Variants in ABCC8 observed in about 807,000 individuals in gnomAD.
ABCC8 encodes ATP-binding cassette sub-family C member 8.
ABCC8 carries 137 observed loss-of-function variants against 188.0 expected under a neutral mutation model. The observed-to-expected ratio is 0.73, with a 90% CI of 0.63 to 0.84. ABCC8 has a LOEUF of 0.84. ABCC8 is among the 40% of genes least tolerant of loss of function. The pLI is 0.00. For missense variants in ABCC8, 1,750 were observed against 2,072.7 expected, an observed-to-expected ratio of 0.84 and a Z score of 3.02; for synonymous variants, 797 against 846.5, an observed-to-expected ratio of 0.94 and a Z score of 1.01.
intron 27 of ABCC8, 133 bp downstream of exon 27, chr11:17,405,361 G>A (rs771078629): frequency 1.5e-4 from 216 of 1,402,210 alleles, no homozygotes; most frequent in Non-Finnish European, 2.0e-4. Flanking sequence ...CATTATAATC[G>A]GATCGGGGAC....
chr11:17,466,966 G>A (rs1188399788), intron 3 of ABCC8, among the ~76,000 whole-genome samples: 1 of 151,550 alleles, frequency 6.6e-6, no homozygotes, highest in African/African-American at 2.4e-5. Context: ...ATGCCCGGCT[G>A]TGAATATACT....
At chr11:17,439,206 A>G (rs1956217934) in intron 10 of ABCC8, among the ~76,000 whole-genome samples, 2 of 149,810 alleles carry the variant, frequency 1.3e-5, no homozygotes, top group Non-Finnish European at 2.9e-5. Context: ...TTTTGATGCC[A>G]GAGAAACTGT....
At chr11:17,466,052 C>A (rs780052105) in intron 3 of ABCC8, among the ~76,000 whole-genome samples, 1 of 152,096 alleles carries the variant, frequency 6.6e-6, no homozygotes, top group African/African-American at 2.4e-5. Flanking sequence ...TCAATACATG[C>A]TACAACATGG....
intron 20 of ABCC8, 109 bp from the exon 21 acceptor site, chr11:17,412,855 T>C (rs1290901871): frequency 6.5e-7 from 1 of 1,541,154 alleles, no homozygotes; most frequent in African/African-American, 1.4e-5. Flanking sequence ...CTCTATCCAC[T>C]TCTTTGCCTG....
At position 17,428,568 on chromosome 11, in the gene ABCC8, C is replaced by T. The variant is rs146156937; in HGVS notation, c.1920G>A (p.Ala640=). ...TPQGPASKYQ[A]VPLRVVNRKR... ...CAAGGGGAGGCCGGGCACTCACCAC[C>T]GCCTGGTACTTGCTGGCTGGGCCCT... is the stretch of plus-strand genomic sequence containing the variant. Residue 640 remains alanine, a synonymous_variant, in exon 13 of 39, where the codon GCG becomes GCA. Transcript: ENST00000389817. The T allele has an allele frequency of 4.1e-4, 667 of 1,614,048 alleles. No individual in the cohort carries two copies. The highest frequency in any genetic ancestry group is 2.4e-3 in the African/African-American group (183 of 75,058).
At position 17,410,515 on chromosome 11, in the gene ABCC8, C is replaced by T. The variant is rs774574576; in HGVS notation, c.2694+1G>A. 2 of 1,614,078 alleles carry T rather than the reference C, an allele frequency of 1.2e-6. No individual in the cohort carries two copies. The highest frequency in any genetic ancestry group is 1.3e-5 in the African/African-American group (1 of 74,934). On this transcript the variant is annotated splice_donor_variant, in intron 22 of 38. Coordinates refer to ENST00000389817, the MANE Select transcript of ABCC8 (RefSeq NM_000352.6). LOFTEE classifies it high-confidence loss of function. Reference sequence around the variant, plus strand: ...AGCCTGACCCCCTTGTTCCCCCTCACCCAGTCTGCATGGGGCAGGTACTGT... The same window carrying T: ...AGCCTGACCCCCTTGTTCCCCCTCATCCAGTCTGCATGGGGCAGGTACTGT...
At chr11:17,473,595 C>A (rs539295821) in intron 2 of ABCC8, among the ~76,000 whole-genome samples, 2 of 152,250 alleles carry the variant, frequency 1.3e-5, no homozygotes, top group East Asian at 1.9e-4. Flanking sequence ...TCCTCCACCA[C>A]TCCCTCTCCT....
chr11:17,398,204 G>T, intron 30 of ABCC8, 135 bp downstream of exon 30: 2 of 1,192,158 alleles, frequency 1.7e-6, no homozygotes, highest in Non-Finnish European at 2.4e-6. Context: ...GACCACCAGG[G>T]CTGGGGGAAG....
At chr11:17,424,064 A>G (rs1169601955) in intron 16 of ABCC8, among the ~76,000 whole-genome samples, 3 of 152,212 alleles carry the variant, frequency 2.0e-5, no homozygotes, top group Admixed American at 6.5e-5. Context: ...CTTAGGCAGG[A>G]ACAGAAAACC....
chr11:17,396,711 C>T, intron 33 of ABCC8: 1 of 647,108 alleles, frequency 1.5e-6, no homozygotes, highest in South Asian at 1.9e-5. Flanking sequence ...GAAGACAAGG[C>T]CTGAGGGCAG....
intron 6 of ABCC8, among the ~76,000 whole-genome samples, chr11:17,454,799 G>A (rs1031711021): frequency 3.3e-5 from 5 of 152,176 alleles, no homozygotes; most frequent in Admixed American, 1.3e-4. Context: ...GAACCTGAGT[G>A]ATGTCAAAAA....
intron 16 of ABCC8, among the ~76,000 whole-genome samples, chr11:17,422,767 T>G (rs998901398): frequency 2.0e-5 from 3 of 152,198 alleles, no homozygotes; most frequent in Non-Finnish European, 4.4e-5. Flanking sequence ...TCAGACCTAC[T>G]ACATGGGATC....
At chr11:17,430,065 G>A (rs1313084630) in intron 12 of ABCC8, 3 of 153,076 alleles carry the variant, frequency 2.0e-5, no homozygotes, top group African/African-American at 7.2e-5. Context: ...CTGGTTCTCT[G>A]GCCATGGGTA....
intron 21 of ABCC8, among the ~76,000 whole-genome samples, chr11:17,411,405 T>C (rs1954797181): frequency 6.6e-6 from 1 of 152,226 alleles, no homozygotes; most frequent in Non-Finnish European, 1.5e-5. Flanking sequence ...TTAAATCTCA[T>C]GAGAGATCGC....
Position 17,442,805 on chromosome 11 carries a change from C to T in ABCC8, c.1545G>A (p.Glu515=). ...TCTCCACCCGCGTGCGGAAGATGTT[C>T]TCCCAGGCGTACAGCTTCAGCAGCT... is the stretch of plus-strand genomic sequence containing the variant. ...GIKLLKLYAW[E]NIFRTRVETT... Residue 515 remains glutamate (E), a synonymous_variant, in exon 10 of 39, where the codon GAG becomes GAA. Coordinates refer to ENST00000389817, the MANE Select transcript of ABCC8 (RefSeq NM_000352.6). 1.2e-6 allele frequency: 2 copies of T among 1,614,128 alleles called. No homozygotes were observed. The highest frequency in any genetic ancestry group is 1.1e-5 in the South Asian group (1 of 91,062).
chr11:17,440,541 C>T (rs997023749), intron 10 of ABCC8, among the ~76,000 whole-genome samples: 1 of 152,102 alleles, frequency 6.6e-6, no homozygotes, highest in Non-Finnish European at 1.5e-5. Flanking sequence ...ATGAGGATAA[C>T]GGGGAGAGAC....
At chr11:17,407,299 C>A (rs1954589173) in intron 24 of ABCC8, 55 bp downstream of exon 24, 9 of 1,613,680 alleles carry the variant, frequency 5.6e-6, no homozygotes, top group Non-Finnish European at 7.6e-6. Flanking sequence ...CTTAGCCTCT[C>A]TGTGGCTGAT....
At chr11:17,445,904 C>T (rs753660439) in intron 8 of ABCC8, among the ~76,000 whole-genome samples, 7 of 151,032 alleles carry the variant, frequency 4.6e-5, no homozygotes, top group Non-Finnish European at 8.8e-5. Context: ...GCATGTGCAA[C>T]AAACCCTGTG....
intron 21 of ABCC8, among the ~76,000 whole-genome samples, chr11:17,411,044 T>C (rs1954782044): frequency 6.6e-6 from 1 of 152,226 alleles, no homozygotes. Flanking sequence ...GCCTGCCGTC[T>C]GGGCCTTCTC....
Sources: gnomAD v4.1 joint callset for allele counts (sites outside exome capture counted in the v4.1 genomes callset) on GRCh38, gnomAD v4.1.1 for gene constraint, MANE v1.5 for transcripts, NCBI Gene and HGNC (gene_info 2026-07-23, HGNC 2026-07-21) for gene names.